ITM2A: variants seen among roughly 807,000 people sequenced by gnomAD.
ITM2A encodes integral membrane protein 2A.
Under a neutral mutation model 16.6 loss-of-function variants are expected in ITM2A, and 11 were observed. The observed-to-expected ratio is 0.66, with a 90% CI of 0.42 to 1.10. The LOEUF is 1.10. ITM2A is among the 50% of genes least tolerant of loss of function. The pLI, the probability that ITM2A is intolerant of heterozygous loss-of-function variation, is 0.00. For missense variants in ITM2A, 243 were observed against 206.8 expected (o/e 1.17, Z -1.07); for synonymous variants, 102 against 71.2 (o/e 1.43, Z -2.18).
intron 1 of ITM2A, 104 bp downstream of exon 1, chrX:79,367,001 A>G: frequency 1.8e-6 from 1 of 544,798 alleles, no homozygotes; most frequent in Non-Finnish European, 2.9e-6. Context: ...GAGACAGCGT[A>G]AGAGGAGCAA....
At position 79,361,029 on chromosome X, in the gene ITM2A, T is replaced by A. The variant is rs1428912378; in HGVS notation, c.*60A>T. 1 of 675,046 alleles carries A rather than the reference T, an allele frequency of 1.5e-6. No individual in the cohort carries two copies. 55.6% of individuals were successfully genotyped at this position (675,046 alleles called of 1,213,427 possible). A position where few individuals can be genotyped will look rare whatever the true frequency, so the allele number is the denominator to read the frequency against. ...CTTGAGTATCCCATAAACCTTAATG[T>A]TAAAGTCATATTGTAAATCTCTGAC... On this transcript the variant is annotated 3_prime_UTR_variant, in exon 6 of 6. Transcript: ENST00000373298.
intron 1 of ITM2A, among the ~76,000 whole-genome samples, chrX:79,363,897 C>T (rs1179200810): frequency 1.8e-5 from 2 of 111,702 alleles, no homozygotes; most frequent in Non-Finnish European, 3.8e-5. Context: ...GACATTGACT[C>T]TTAACACATT....
In ITM2A at chrX:79,363,073, C is replaced by G. The variant is rs1374655415; in HGVS notation, c.310G>C (p.Gly104Arg). Residue 104 changes from glycine (G) to arginine (R), a missense_variant, in exon 3 of 6, where the codon GGA (glycine) becomes CGA (arginine). Gly to Arg is a moderately radical substitution (Grantham distance 125). Transcript: ENST00000373298. ...SEDPANSLRGGEPNFLPVTEE... is the reference protein window; with the variant it reads ...SEDPANSLRGREPNFLPVTEE... ...GTCACAGGCAGGAAGTTAGGCTCTCCTCCACGAAGGGAATTTGCAGGATCC... is the reference window on the plus strand; with the variant it reads ...GTCACAGGCAGGAAGTTAGGCTCTCGTCCACGAAGGGAATTTGCAGGATCC... The G allele has an allele frequency of 8.3e-7, 1 of 1,209,521 alleles. No individual in the cohort carries two copies. Among genetic ancestry groups the G allele is most frequent in the Admixed American group, 2.2e-5 (1 of 45,872 alleles).
rs1569317411 is a variant in ITM2A at position 79,367,312 on chromosome X, T to A, written c.-97A>T. The A allele has an allele frequency of 1.9e-6, 1 of 521,493 alleles. No individual in the cohort carries two copies. Among genetic ancestry groups the A allele is most frequent in the Non-Finnish European group, 3.2e-6 (1 of 316,794 alleles). The allele number at this position is 521,493 out of a possible 1,213,427, so 43.0% of individuals were successfully genotyped here. On this transcript the variant is annotated 5_prime_UTR_variant, in exon 1 of 6. In the 5' UTR this introduces an upstream ATG that the reference lacks. Coordinates refer to ENST00000373298, the MANE Select transcript of ITM2A (RefSeq NM_004867.5). ...TCCTGTTAGCCCAAACAGCACTTAC[T>A]TTATCTTCAGTCTAACACTACTGCA... is the stretch of plus-strand genomic sequence containing the variant.
intron 3 of ITM2A, 53 bp from the exon 4 acceptor site, chrX:79,362,744 G>T: frequency 2.3e-6 from 2 of 885,691 alleles, no homozygotes; most frequent in East Asian, 3.1e-5. Flanking sequence ...TTAACATTGC[G>T]AATTTTCCAA....
At position 79,362,996 on chromosome X, in the gene ITM2A, A is replaced by G; in HGVS notation, c.387T>C (p.Pro129=). ...EDDNIAIIDV[P]VPSFSDSDPA... ...GGTCACTATCAGAGAAACTGGGGACAGGCACATCAATGATTGCAATGTTGT... is the reference window on the plus strand; with the variant it reads ...GGTCACTATCAGAGAAACTGGGGACGGGCACATCAATGATTGCAATGTTGT... The change falls in exon 3 of 6, where the codon CCT becomes CCC. Residue 129 remains proline, a synonymous_variant. Transcript: ENST00000373298. 8.3e-7 allele frequency: 1 copy of G among 1,207,938 alleles called. No individual in the cohort carries two copies. Among genetic ancestry groups the G allele is most frequent in the Non-Finnish European group, 1.1e-6 (1 of 892,120 alleles).
chrX:79,363,402 A>G, intron 2 of ITM2A, 21 bp downstream of exon 2: 1 of 1,066,920 alleles, frequency 9.4e-7, no homozygotes, highest in East Asian at 3.3e-5. Context: ...AAAGTATAAT[A>G]ATTATAATTA....
In ITM2A at chrX:79,360,893, A is replaced by C. The variant is rs1228071052; in HGVS notation, c.*196T>G. 8 of 267,398 alleles carry C rather than the reference A, an allele frequency of 3.0e-5. No homozygotes were observed. Among genetic ancestry groups the C allele is most frequent in the Non-Finnish European group, 5.2e-5 (8 of 152,636 alleles). 22.0% of individuals were successfully genotyped at this position (267,398 alleles called of 1,213,427 possible). On this transcript the variant is annotated 3_prime_UTR_variant, in exon 6 of 6. Transcript: ENST00000373298. ...AACTCATGTAATTTCAGTTTCAAAAAACAAGCAATGCCAATTAAACTAAAA... is the reference window on the plus strand; with the variant it reads ...AACTCATGTAATTTCAGTTTCAAAACACAAGCAATGCCAATTAAACTAAAA...
chrX:79,363,384 A>C (rs1344881938), intron 2 of ITM2A, 39 bp downstream of exon 2: 2 of 1,009,431 alleles, frequency 2.0e-6, no homozygotes, highest in Non-Finnish European at 2.6e-6. Context: ...TCTAGCAAGT[A>C]GTAATCCAAA....
At position 79,361,476 on chromosome X, in the gene ITM2A, C is replaced by T. The variant is rs201934049; in HGVS notation, c.556G>A (p.Gly186Ser). Reference protein sequence around the residue: ...LVELFGKLASGRYLPQTYVVR... With the variant: ...LVELFGKLASSRYLPQTYVVR... ...ACATAAGTTTGAGGCAGATATCTGC[C>T]ACTCTAAAAATCAAAAGCAAAGATT... The change falls in exon 5 of 6, where the codon GGC (glycine) becomes AGC (serine). Residue 186 changes from glycine to serine, a missense_variant. Gly to Ser is a moderately conservative substitution (Grantham distance 56, BLOSUM62 0). Coordinates refer to ENST00000373298, the MANE Select transcript of ITM2A (RefSeq NM_004867.5). 1.7e-4 allele frequency: 202 copies of T among 1,193,141 alleles called. No individual in the cohort carries two copies. The highest frequency in any genetic ancestry group is 2.1e-4 in the Non-Finnish European group (183 of 886,355).
chrX:79,361,571 T>A, intron 4 of ITM2A, 92 bp from the exon 5 acceptor site: 1 of 734,205 alleles, frequency 1.4e-6, no homozygotes, highest in Non-Finnish European at 2.0e-6. Context: ...GTTACTTAAG[T>A]AAAGTTGTGT....
In ITM2A at chrX:79,367,182, C is replaced by CGGCGGTA. The variant is rs1256507142; in HGVS notation, c.27_33dup (p.Val12TyrfsTer84). ...TCTTGCCGCGCCTCCTCCTTTTGCA[C>CGGCGGTA]GGCGGTAGGGGTATTGAAGGCGATT... On this transcript the variant is annotated frameshift_variant, in exon 1 of 6. Transcript: ENST00000373298. LOFTEE classifies it high-confidence loss of function. 8.3e-7 allele frequency: 1 copy of CGGCGGTA among 1,208,697 alleles called. No homozygotes were observed. The highest frequency in any genetic ancestry group is 1.1e-6 in the Non-Finnish European group (1 of 893,825).
At chrX:79,364,959 T>TA (rs1356578132) in intron 1 of ITM2A, among the ~76,000 whole-genome samples, 59 of 103,326 alleles carry the variant, frequency 5.7e-4, no homozygotes, top group South Asian at 8.4e-4. Flanking sequence ...TTATTTTTAT[T>TA]AAAAAAAAAA....
intron 1 of ITM2A, among the ~76,000 whole-genome samples, chrX:79,364,230 ATAAATT>A (rs1229259282): frequency 8.9e-6 from 1 of 112,322 alleles, no homozygotes; most frequent in Non-Finnish European, 1.9e-5. Flanking sequence ...AGGGAGAGAT[ATAAATT>A]TAATGTTCCT....
At position 79,360,392 on chromosome X, in the gene ITM2A, A is replaced by T. The variant is rs985201397; in HGVS notation, c.*697T>A. 2 of 111,739 alleles carry T rather than the reference A, an allele frequency of 1.8e-5. No individual in the cohort carries two copies. The highest frequency in any genetic ancestry group is 6.5e-5 in the African/African-American group (2 of 30,839). The allele number at this position is 111,739 out of a possible 1,213,427, so 9.2% of individuals were successfully genotyped here. ...AATAAAAGAAACAGTGGTTGTATAG[A>T]GTAAAATTTATTATAGGGTTGTAGA... On this transcript the variant is annotated 3_prime_UTR_variant, in exon 6 of 6. Coordinates refer to ENST00000373298, the MANE Select transcript of ITM2A (RefSeq NM_004867.5).
chrX:79,361,389 T>C lies in ITM2A; in HGVS notation c.643A>G (p.Ile215Val), dbSNP rs772820815. 8.3e-7 allele frequency: 1 copy of C among 1,208,615 alleles called. No homozygotes were observed. Among genetic ancestry groups the C allele is most frequent in the Non-Finnish European group, 1.1e-6 (1 of 892,716 alleles). The change falls in exon 5 of 6, where the codon ATT (isoleucine) becomes GTT (valine). Residue 215 changes from isoleucine (I) to valine (V), a missense_variant. Ile to Val is a conservative substitution (Grantham distance 29). Coordinates refer to ENST00000373298, the MANE Select transcript of ITM2A (RefSeq NM_004867.5). ...TTTCTGTTATTGCAAAGTTGGTAAA[T>C]AAAGATGCCAAGGTTACTAACATCA... ...IRDVSNLGIF[I>V]YQLCNNRKSF...
chrX:79,365,892 G>C (rs1257037526), intron 1 of ITM2A, among the ~76,000 whole-genome samples: 1 of 112,046 alleles, frequency 8.9e-6, no homozygotes, highest in African/African-American at 3.2e-5. Flanking sequence ...AATATTGAAA[G>C]TTTCCATAAT....
intron 5 of ITM2A, 30 bp downstream of exon 5, chrX:79,361,299 G>C (rs772839607): frequency 2.5e-6 from 3 of 1,181,729 alleles, no homozygotes; most frequent in Non-Finnish European, 2.3e-6. Context: ...TGTAACACAG[G>C]GTGAAGGAAG....
In ITM2A at chrX:79,361,339, G is replaced by T. The variant is rs777699888; in HGVS notation, c.693C>A (p.Asp231Glu). The part of the protein sequence containing the change: ...NRKSFRLRRR[D>E]LLLGFNKRAI... ...ACATTAGTTACTTACCCAGCAAGAG[G>T]TCTCTGCGACGAAGGCGGAAGGACT... Residue 231 changes from aspartate to glutamate, a missense_variant, in exon 5 of 6, where the codon GAC becomes GAA. Asp to Glu is a conservative substitution (Grantham distance 45). Coordinates refer to ENST00000373298, the MANE Select transcript of ITM2A (RefSeq NM_004867.5). 17 of 1,208,845 alleles carry T rather than the reference G, an allele frequency of 1.4e-5. No homozygotes were observed. In the South Asian group the frequency reaches 3.0e-4, roughly 21 times the overall value.
Sources: allele counts gnomAD v4.1 joint callset (sites outside exome capture counted in the v4.1 genomes callset), GRCh38; gene constraint gnomAD v4.1.1; transcripts MANE v1.5; gene names NCBI Gene and HGNC (gene_info 2026-07-23, HGNC 2026-07-21).